DACH1: variants seen among roughly 807,000 people sequenced by gnomAD.
The protein encoded by DACH1 is dachshund family transcription factor 1.
DACH1 carries 12 observed loss-of-function variants against 54.2 expected under a neutral mutation model. The observed-to-expected ratio is 0.22, with a 90% CI of 0.14 to 0.36. The LOEUF (loss-of-function observed/expected upper bound fraction) is 0.36, where lower values mean the gene tolerates loss of function less well. DACH1 is among the 10% of genes least tolerant of loss of function. DACH1 has a pLI of 1.00. For missense variants in DACH1, 805 were observed against 929.8 expected, an observed-to-expected ratio of 0.87 and a Z score of 1.75; for synonymous variants, 386 against 366.2, an observed-to-expected ratio of 1.05 and a Z score of -0.62.
At chr13:71,523,680 G>A (rs970107557) in intron 6 of DACH1, among the ~76,000 whole-genome samples, 1 of 151,986 alleles carries the variant, frequency 6.6e-6, no homozygotes, top group South Asian at 2.1e-4. Context: ...CATCTATTCA[G>A]ATTCACACTC....
At chr13:71,814,165 T>A (rs1479725384) in intron 1 of DACH1, among the ~76,000 whole-genome samples, 1 of 152,154 alleles carries the variant, frequency 6.6e-6, no homozygotes, top group Non-Finnish European at 1.5e-5. Context: ...GTCTATAAAG[T>A]CTGGTTTGTC....
At chr13:71,554,980 C>A (rs1884144924) in intron 6 of DACH1, among the ~76,000 whole-genome samples, 1 of 152,142 alleles carries the variant, frequency 6.6e-6, no homozygotes, top group South Asian at 2.1e-4. Flanking sequence ...TATTCCAATT[C>A]TAGTACTGGT....
chr13:71,446,731 C>G (rs116824512), intron 10 of DACH1, among the ~76,000 whole-genome samples: 1 of 152,202 alleles, frequency 6.6e-6, no homozygotes, highest in Non-Finnish European at 1.5e-5. Context: ...CCATTTGTCT[C>G]GCTGCCTTGT....
chr13:71,444,004 T>G (rs1874229486), intron 10 of DACH1, among the ~76,000 whole-genome samples: 1 of 152,186 alleles, frequency 6.6e-6, no homozygotes, highest in Non-Finnish European at 1.5e-5. Context: ...GGGACCAAAC[T>G]ATGTTTTTCT....
At chr13:71,806,484 G>T (rs186190257) in intron 1 of DACH1, among the ~76,000 whole-genome samples, 1 of 152,210 alleles carries the variant, frequency 6.6e-6, no homozygotes, top group East Asian at 1.9e-4. Flanking sequence ...AGAAAAAATT[G>T]TATTCTATTT....
At chr13:71,573,236 A>G (rs1170399803) in intron 3 of DACH1, among the ~76,000 whole-genome samples, 2 of 152,118 alleles carry the variant, frequency 1.3e-5, no homozygotes, top group African/African-American at 4.8e-5. Flanking sequence ...CAAATGGTCA[A>G]TTCTTTGCTA....
intron 1 of DACH1, among the ~76,000 whole-genome samples, chr13:71,811,971 T>C (rs1288713425): frequency 1.3e-5 from 2 of 152,184 alleles, no homozygotes; most frequent in African/African-American, 2.4e-5. Context: ...AGTACTTTAC[T>C]TTTTTTCTGT....
At chr13:71,496,275 A>ATATATATATG (rs1879411005) in intron 6 of DACH1, among the ~76,000 whole-genome samples, 1 of 106,192 alleles carries the variant, frequency 9.4e-6, no homozygotes, top group Non-Finnish European at 2.0e-5. Context: ...ATATATATAT[A>ATATATATATG]TATATATATA....
chr13:71,467,081 T>C (rs1225322036), intron 10 of DACH1, among the ~76,000 whole-genome samples: 1 of 92,662 alleles, frequency 1.1e-5, no homozygotes, highest in African/African-American at 3.4e-5. Context: ...TACATTCTAT[T>C]ACTATTTTGA....
chr13:71,488,864 G>C (rs917701665), intron 7 of DACH1, 133 bp downstream of exon 7: 2 of 658,424 alleles, frequency 3.0e-6, no homozygotes, highest in African/African-American at 3.7e-5. Context: ...TAAAATCTAA[G>C]TTGCTTGAAG....
intron 1 of DACH1, among the ~76,000 whole-genome samples, chr13:71,857,351 A>G (rs1874066106): frequency 6.6e-6 from 1 of 151,702 alleles, no homozygotes; most frequent in East Asian, 1.9e-4. Context: ...TTATTGATGT[A>G]TTGTTTCATG....
chr13:71,565,454 G>A (rs958858215), intron 4 of DACH1, among the ~76,000 whole-genome samples: 1 of 152,082 alleles, frequency 6.6e-6, no homozygotes, highest in African/African-American at 2.4e-5. Context: ...TTAGTGAAAT[G>A]CAACATCATT....
intron 2 of DACH1, among the ~76,000 whole-genome samples, chr13:71,639,523 A>T (rs1440825781): frequency 2.0e-5 from 3 of 152,130 alleles, no homozygotes; most frequent in African/African-American, 7.2e-5. Flanking sequence ...CAACAAAAAA[A>T]CCCCACTAAT....
Position 71,732,521 on chromosome 13 carries a change from G to T in DACH1, c.849-50611C>A, listed in dbSNP as rs572607716. 4.0e-5 allele frequency among the ~76,000 whole-genome samples: 6 copies of T among 150,932 alleles called. No homozygotes were observed. The South Asian group carries it at 1.3e-3, about 32-fold the overall frequency. ...AATCACTTGAACCCGGGAGGTGGAG[G>T]TTGCAGTGAGCTGAGACCACGCCAC... is the stretch of plus-strand genomic sequence containing the variant. On this transcript the variant is annotated intron_variant, in intron 1 of 10. Transcript: ENST00000613252.
chr13:71,776,887 T>G (rs1162976556), intron 1 of DACH1, among the ~76,000 whole-genome samples: 6 of 152,140 alleles, frequency 3.9e-5, no homozygotes, highest in Non-Finnish European at 2.9e-5. Flanking sequence ...TGACTTGATC[T>G]CTACAACTTG....
At chr13:71,663,732 A>C (rs753938616) in intron 2 of DACH1, among the ~76,000 whole-genome samples, 41 of 152,072 alleles carry the variant, frequency 2.7e-4, no homozygotes, top group Admixed American at 1.8e-3. Flanking sequence ...TTTCAGAGTG[A>C]ATATAAATAA....
intron 1 of DACH1, among the ~76,000 whole-genome samples, chr13:71,712,906 T>C (rs938359792): frequency 6.6e-6 from 1 of 152,136 alleles, no homozygotes; most frequent in Non-Finnish European, 1.5e-5. Flanking sequence ...TAGCAGTCAC[T>C]GAATATGTTT....
At chr13:71,731,410 G>T (rs957234113) in intron 1 of DACH1, among the ~76,000 whole-genome samples, 3 of 150,746 alleles carry the variant, frequency 2.0e-5, no homozygotes, top group African/African-American at 7.3e-5. Context: ...TCCTGCCTCA[G>T]CCTCCTGGGA....
rs1210554938 is a variant in DACH1, at chr13:71,654,520, AC to A, written c.965-23804del. On this transcript the variant is annotated intron_variant, in intron 2 of 10. Coordinates refer to ENST00000613252, the MANE Select transcript of DACH1 (RefSeq NM_080759.6). ...AAAATAAAATAAAATAAAATAAAAT[AC>A]AACTAATAAATGGGGCAGTCAGTTC... Among the ~76,000 whole-genome samples, 7 of 149,082 alleles carry A rather than the reference AC, an allele frequency of 4.7e-5. No homozygotes were observed. The East Asian group carries it at 5.8e-4, about 12-fold the overall frequency.
Sources: allele counts gnomAD v4.1 joint callset (sites outside exome capture counted in the v4.1 genomes callset), GRCh38; gene constraint gnomAD v4.1.1; transcripts MANE v1.5; gene names NCBI Gene and HGNC (gene_info 2026-07-23, HGNC 2026-07-21).